Variants in PIGU observed in about 807,000 individuals in gnomAD.
PIGU encodes the protein phosphatidylinositol glycan anchor biosynthesis class U.
Under a neutral mutation model 49.9 loss-of-function variants are expected in PIGU, and 24 were observed. The observed-to-expected ratio is 0.48, with a 90% CI of 0.35 to 0.68. PIGU has a LOEUF of 0.68. PIGU is among the 30% of genes least tolerant of loss of function. The probability of loss-of-function intolerance (pLI) is 0.01; values close to 1 mark genes in which losing one functional copy is unlikely to be tolerated. For synonymous variants in PIGU, 220 were observed against 205.7 expected, an observed-to-expected ratio of 1.07 and a Z score of -0.59; for missense variants, 490 against 532.6, an observed-to-expected ratio of 0.92 and a Z score of 0.79.
intron 1 of PIGU, among the ~76,000 whole-genome samples, chr20:34,671,048 C>A (rs1161232623): frequency 6.6e-6 from 1 of 152,136 alleles, no homozygotes; most frequent in Non-Finnish European, 1.5e-5. Context: ...AACAGCCATA[C>A]CTAAAGATTG....
chr20:34,580,605 C>T (rs1983417261), intron 10 of PIGU, among the ~76,000 whole-genome samples: 1 of 152,220 alleles, frequency 6.6e-6, no homozygotes, highest in Non-Finnish European at 1.5e-5. Flanking sequence ...CAGCTCCCTT[C>T]CATGCCTCGT....
intron 1 of PIGU, among the ~76,000 whole-genome samples, chr20:34,658,128 G>A (rs1383734351): frequency 6.6e-6 from 1 of 152,200 alleles, no homozygotes; most frequent in Non-Finnish European, 1.5e-5. Context: ...CAGTGCCTGC[G>A]ATTGCAGGCG....
intron 7 of PIGU, among the ~76,000 whole-genome samples, chr20:34,610,726 C>G (rs1231376308): frequency 6.6e-6 from 1 of 152,058 alleles, no homozygotes; most frequent in African/African-American, 2.4e-5. Context: ...ATATGGAACC[C>G]CAAAAGAGCC....
chr20:34,648,705 C>T lies in PIGU; in HGVS notation c.196-3371G>A, dbSNP rs555106944. Among the ~76,000 whole-genome samples, 17 of 152,244 alleles carry T rather than the reference C, an allele frequency of 1.1e-4. No homozygotes were observed. The South Asian group carries it at 3.1e-3, about 28-fold the overall frequency. ...GTGAGACTACAGATGTGCGCCACCA[C>T]ACCCAGATAATTTTTGTATTTTTTG... On this transcript the variant is annotated intron_variant, in intron 2 of 11. Coordinates refer to ENST00000217446, the MANE Select transcript of PIGU (RefSeq NM_080476.5).
chr20:34,611,723 C>G (rs1035263177), intron 7 of PIGU, among the ~76,000 whole-genome samples: 1 of 147,884 alleles, frequency 6.8e-6, no homozygotes, highest in African/African-American at 2.5e-5. Context: ...ACAGACACTT[C>G]TCAAAAGAAG....
At chr20:34,629,487 C>G (rs1306473297) in intron 6 of PIGU, among the ~76,000 whole-genome samples, 1 of 152,174 alleles carries the variant, frequency 6.6e-6, no homozygotes, top group East Asian at 1.9e-4. Flanking sequence ...CCATGTGGAG[C>G]AGAGCCCAAC....
At chr20:34,658,856 G>T (rs1986808695) in intron 1 of PIGU, among the ~76,000 whole-genome samples, 1 of 151,868 alleles carries the variant, frequency 6.6e-6, no homozygotes, top group Non-Finnish European at 1.5e-5. Flanking sequence ...CGTCTGGGAA[G>T]TGAGGAGCAT....
At chr20:34,639,349 C>A (rs918437211) in intron 4 of PIGU, among the ~76,000 whole-genome samples, 2 of 151,928 alleles carry the variant, frequency 1.3e-5, no homozygotes, top group African/African-American at 4.8e-5. Context: ...TGCAGTGAGC[C>A]GAGATTATAC....
chr20:34,639,971 T>A (rs1352834126), intron 4 of PIGU, among the ~76,000 whole-genome samples: 1 of 152,216 alleles, frequency 6.6e-6, no homozygotes, highest in African/African-American at 2.4e-5. Context: ...GAGGCCTCAC[T>A]AGCTAAGAGG....
At chr20:34,659,206 G>A (rs1278620531) in intron 1 of PIGU, among the ~76,000 whole-genome samples, 1 of 131,102 alleles carries the variant, frequency 7.6e-6, no homozygotes, top group Non-Finnish European at 1.6e-5. Context: ...GGGAGGTGGG[G>A]GGGTCAGCCC....
At chr20:34,573,803 A>C (rs1174646771) in intron 11 of PIGU, among the ~76,000 whole-genome samples, 1 of 152,272 alleles carries the variant, frequency 6.6e-6, no homozygotes, top group Non-Finnish European at 1.5e-5. Context: ...TGTGAGAGAC[A>C]GAACAGGCCC....
intron 2 of PIGU, among the ~76,000 whole-genome samples, chr20:34,645,884 G>A (rs1460272042): frequency 2.6e-5 from 4 of 152,078 alleles, no homozygotes; most frequent in East Asian, 3.9e-4. Context: ...GCAACAGAGC[G>A]AGACTCTGTC....
intron 11 of PIGU, among the ~76,000 whole-genome samples, chr20:34,573,249 G>GA (rs951517513): frequency 3.3e-5 from 5 of 150,474 alleles, no homozygotes; most frequent in Middle Eastern, 3.4e-3. Context: ...AAGAGATTAA[G>GA]AAAAAAAAAG....
rs1985201212 is a variant in PIGU at position 34,621,043 on chromosome 20, C to CAGCACTT, written c.530-4905_530-4904insAAGTGCT. On this transcript the variant is annotated intron_variant, in intron 6 of 11. Transcript: ENST00000217446. ...TGACTCCGGTACCCACTCTTAATCC[C>CAGCACTT]TGTGTTAATAAGCCTAATACTGATG... 8.5e-5 allele frequency among the ~76,000 whole-genome samples: 13 copies of CAGCACTT among 152,188 alleles called. No homozygotes were observed. The South Asian group carries it at 1.7e-3, about 20-fold the overall frequency.
chr20:34,577,160 A>C (rs1287808711), intron 10 of PIGU, among the ~76,000 whole-genome samples: 1 of 152,224 alleles, frequency 6.6e-6, no homozygotes, highest in Non-Finnish European at 1.5e-5. Context: ...TAATTAAAAG[A>C]ATACCTTTTT....
chr20:34,629,715 G>A (rs561354863), intron 6 of PIGU, among the ~76,000 whole-genome samples: 1 of 152,262 alleles, frequency 6.6e-6, no homozygotes, highest in East Asian at 1.9e-4. Flanking sequence ...TTAAAAGTCT[G>A]GAGGGAAAAA....
intron 6 of PIGU, among the ~76,000 whole-genome samples, chr20:34,630,290 G>A (rs932562386): frequency 5.9e-5 from 9 of 152,086 alleles, no homozygotes; most frequent in African/African-American, 2.2e-4. Flanking sequence ...ACAGTAGTGG[G>A]CTGAGGAGAG....
At chr20:34,626,756 AG>A (rs1419703571) in intron 6 of PIGU, among the ~76,000 whole-genome samples, 1 of 152,214 alleles carries the variant, frequency 6.6e-6, no homozygotes, top group African/African-American at 2.4e-5. Context: ...AAACAAAAAA[AG>A]CTTTCAAAAG....
At chr20:34,605,680 T>G (rs1984585752) in intron 7 of PIGU, among the ~76,000 whole-genome samples, 1 of 152,222 alleles carries the variant, frequency 6.6e-6, no homozygotes, top group Non-Finnish European at 1.5e-5. Context: ...AGTGTCCAAA[T>G]GAAGACATCA....
Sources: allele counts gnomAD v4.1 joint callset (sites outside exome capture counted in the v4.1 genomes callset), GRCh38; gene constraint gnomAD v4.1.1; transcripts MANE v1.5; gene names NCBI Gene and HGNC (gene_info 2026-07-23, HGNC 2026-07-21).